The following ADCY9 variants were observed in gnomAD, a reference collection of about 807,000 sequenced individuals.
The protein encoded by ADCY9 is adenylate cyclase 9.
Under a neutral mutation model 101.5 loss-of-function variants are expected in ADCY9, and 50 were observed. The ratio of observed to expected loss-of-function variants is 0.49; its 90% CI spans 0.39 to 0.62. The LOEUF is 0.62. Among genes scored for constraint, ADCY9 ranks in the 20% least tolerant of loss-of-function variants. The pLI is 0.00. For synonymous variants in ADCY9, 905 were observed against 769.3 expected (o/e 1.18, Z -2.92); for missense variants, 1,662 against 1,800.4 (o/e 0.92, Z 1.39).
chr16:4,074,839 C>T (rs2056857301), intron 2 of ADCY9, among the ~76,000 whole-genome samples: 1 of 151,838 alleles, frequency 6.6e-6, no homozygotes. Context: ...AAAGGTTGTT[C>T]TGAATCTCAC....
chr16:4,105,968 C>G (rs139528884), intron 2 of ADCY9, among the ~76,000 whole-genome samples: 85 of 152,324 alleles, frequency 5.6e-4, no homozygotes, highest in African/African-American at 1.9e-3. Context: ...TTCCCAGCTT[C>G]TGCCCTCTAG....
chr16:4,051,082 G>A (rs2386825), intron 2 of ADCY9, among the ~76,000 whole-genome samples: 15,876 of 151,838 alleles, frequency 0.1, 2,719 homozygotes, highest in African/African-American at 0.36. Flanking sequence ...GTGTGGTGGC[G>A]CACGCCTGTA....
chr16:3,983,665 A>G (rs1324281769), intron 6 of ADCY9: 3 of 562,712 alleles, frequency 5.3e-6, no homozygotes, highest in Non-Finnish European at 3.2e-6. Context: ...ACGGTGGCTC[A>G]CGCCTGTAAT....
At chr16:4,045,772 C>T (rs990012742) in intron 2 of ADCY9, among the ~76,000 whole-genome samples, 1 of 151,614 alleles carries the variant, frequency 6.6e-6, no homozygotes, top group Non-Finnish European at 1.5e-5. Flanking sequence ...GATCTTGGCT[C>T]ACTGCAGCCT....
chr16:3,954,357 G>A (rs1343048818), intron 5 of ADCY9, among the ~76,000 whole-genome samples: 1 of 152,140 alleles, frequency 6.6e-6, no homozygotes, highest in South Asian at 2.1e-4. Context: ...ATTGGGTGGG[G>A]CTCTCTGGGC....
chr16:4,108,390 T>TTTTA (rs1491411801), intron 2 of ADCY9, among the ~76,000 whole-genome samples: 1 of 123,672 alleles, frequency 8.1e-6, no homozygotes, highest in African/African-American at 3.4e-5. Flanking sequence ...TTTTTTTTTT[T>TTTTA]GGCGACAAAG....
intron 3 of ADCY9, among the ~76,000 whole-genome samples, chr16:4,002,228 A>G (rs1295751780): frequency 2.0e-5 from 3 of 152,184 alleles, no homozygotes; most frequent in Non-Finnish European, 4.4e-5. Flanking sequence ...TAAGCTATAT[A>G]TATTTATATA....
At chr16:3,979,454 G>A (rs2056122141) in intron 7 of ADCY9, among the ~76,000 whole-genome samples, 179 bp from the exon 8 acceptor site, 1 of 152,254 alleles carries the variant, frequency 6.6e-6, no homozygotes, top group Admixed American at 6.5e-5. Flanking sequence ...TAGAAGGCAA[G>A]GAAGCCAGGC....
chr16:3,956,153 A>G (rs1276852470), intron 5 of ADCY9, among the ~76,000 whole-genome samples: 2 of 151,388 alleles, frequency 1.3e-5, no homozygotes, highest in Admixed American at 6.6e-5. Flanking sequence ...TCCCGTCTCA[A>G]CCCCACAAAG....
chr16:4,048,249 T>G (rs1031596997), intron 2 of ADCY9, among the ~76,000 whole-genome samples: 1 of 152,224 alleles, frequency 6.6e-6, no homozygotes, highest in African/African-American at 2.4e-5. Flanking sequence ...CACTGCCATT[T>G]TAAAATGAGA....
chr16:4,098,910 T>C (rs1444350364), intron 2 of ADCY9, among the ~76,000 whole-genome samples: 1 of 150,772 alleles, frequency 6.6e-6, no homozygotes, highest in African/African-American at 2.4e-5. Flanking sequence ...TTTTTTTTTA[T>C]TGTTTTGGTT....
chr16:3,997,305 C>A (rs758235114), intron 3 of ADCY9, among the ~76,000 whole-genome samples: 4 of 152,240 alleles, frequency 2.6e-5, no homozygotes, highest in East Asian at 1.9e-4. Flanking sequence ...AGAGGGCACA[C>A]TGAGGACAGG....
At chr16:3,990,999 C>G (rs986165612) in intron 5 of ADCY9, among the ~76,000 whole-genome samples, 6 of 152,154 alleles carry the variant, frequency 3.9e-5, no homozygotes, top group Non-Finnish European at 8.8e-5. Context: ...GGGGTTTCAC[C>G]TTGTTGGCCA....
At chr16:4,103,675 C>T (rs1211312479) in intron 2 of ADCY9, among the ~76,000 whole-genome samples, 1 of 152,090 alleles carries the variant, frequency 6.6e-6, no homozygotes, top group East Asian at 1.9e-4. Flanking sequence ...ACCATAAAGA[C>T]AAAAATTAGC....
chr16:4,084,132 C>A (rs2056922481), intron 2 of ADCY9, among the ~76,000 whole-genome samples: 3 of 151,862 alleles, frequency 2.0e-5, no homozygotes, highest in African/African-American at 7.3e-5. Context: ...TTGTTTTTGA[C>A]ACAGGGTCTC....
At chr16:4,037,739 A>T (rs1371099081) in intron 2 of ADCY9, among the ~76,000 whole-genome samples, 1 of 152,126 alleles carries the variant, frequency 6.6e-6, no homozygotes, top group Non-Finnish European at 1.5e-5. Context: ...TTTTTATTGT[A>T]ATGCTCTTGA....
intron 2 of ADCY9, among the ~76,000 whole-genome samples, chr16:4,021,693 C>T (rs2056478179): frequency 6.6e-6 from 1 of 152,212 alleles, no homozygotes; most frequent in African/African-American, 2.4e-5. Context: ...TGACAATATT[C>T]GTTCCCCCAT....
intron 2 of ADCY9, among the ~76,000 whole-genome samples, chr16:4,027,331 CCAGA>C (rs1400499465): frequency 6.6e-6 from 1 of 152,158 alleles, no homozygotes; most frequent in East Asian, 1.9e-4. Flanking sequence ...GGTTAAGAAC[CCAGA>C]CAACTTGTAG....
At chr16:4,072,196 C>G (rs1236567183) in intron 2 of ADCY9, among the ~76,000 whole-genome samples, 4 of 152,168 alleles carry the variant, frequency 2.6e-5, no homozygotes, top group African/African-American at 9.7e-5. Flanking sequence ...TCCTTAAAGG[C>G]TCAGGGACCA....
Sources: gnomAD v4.1 joint callset for allele counts (sites outside exome capture counted in the v4.1 genomes callset) on GRCh38, gnomAD v4.1.1 for gene constraint, MANE v1.5 for transcripts, NCBI Gene and HGNC (gene_info 2026-07-23, HGNC 2026-07-21) for gene names.